The following HCN2 variants were observed in gnomAD, a reference collection of about 807,000 sequenced individuals.
The protein encoded by HCN2 is potassium/sodium hyperpolarization-activated cyclic nucleotide-gated channel 2.
A neutral mutation model predicts 52.3 loss-of-function variants in HCN2; 20 were observed. The observed-to-expected ratio is 0.38, with a 90% CI of 0.27 to 0.56. The LOEUF (loss-of-function observed/expected upper bound fraction) is 0.56, where lower values mean the gene tolerates loss of function less well. Ranked by LOEUF, HCN2 falls within the 20% of genes least tolerant of loss-of-function variation. The pLI is 0.71. For missense variants in HCN2, 981 were observed against 1,207.7 expected (o/e 0.81, Z 2.78); for synonymous variants, 694 against 537.0 (o/e 1.29, Z -4.04).
rs1277747372 is a variant in HCN2, at chr19:592,080, C to T, written c.632+1503C>T. Among the ~76,000 whole-genome samples, 2 of 152,222 alleles carry T rather than the reference C, an allele frequency of 1.3e-5. No individual in the cohort carries two copies. Among genetic ancestry groups the T allele is most frequent in the African/African-American group, 4.8e-5 (2 of 41,454 alleles). ...GGAGAGCTTGGTCAGCATCTGGGCTCTGGCCTGCGAAATGTGGACAGTGAG... is the reference window on the plus strand; with the variant it reads ...GGAGAGCTTGGTCAGCATCTGGGCTTTGGCCTGCGAAATGTGGACAGTGAG... On this transcript the variant is annotated intron_variant, in intron 1 of 7. Transcript: ENST00000251287. The surrounding 1 kb of genome is among the most constrained non-coding windows in gnomAD (Gnocchi z 4.8).
At chr19:607,809 A>G (rs967909645) in intron 3 of HCN2, among the ~76,000 whole-genome samples, 155 bp from the exon 4 acceptor site, 1 of 152,222 alleles carries the variant, frequency 6.6e-6, no homozygotes, top group Non-Finnish European at 1.5e-5. Flanking sequence ...AAACCATGTC[A>G]TCTACCTGGG....
At chr19:615,246 A>T (rs1401808536) in intron 7 of HCN2, among the ~76,000 whole-genome samples, 1 of 123,958 alleles carries the variant, frequency 8.1e-6, no homozygotes, top group Non-Finnish European at 1.9e-5. Context: ...GCGGTGGCTC[A>T]CGCCTGTAGT....
At chr19:594,253 G>C (rs1310376218) in intron 1 of HCN2, among the ~76,000 whole-genome samples, 1 of 152,174 alleles carries the variant, frequency 6.6e-6, no homozygotes, top group Non-Finnish European at 1.5e-5. Context: ...ACCTGGCGGG[G>C]TGGAGACCTG....
In HCN2 at chr19:590,766, G is replaced by T. The variant is rs1982846493; in HGVS notation, c.632+189G>T. On this transcript the variant is annotated intron_variant, in intron 1 of 7. Coordinates refer to ENST00000251287, the MANE Select transcript of HCN2 (RefSeq NM_001194.4). The surrounding 1 kb of genome is among the most constrained non-coding windows in gnomAD (Gnocchi z 7.2). ...CCCGGCGCGCGAGGCTCCGCCTCTG[G>T]GGGGGCTCCCCGGGTGACCGCGGAG... is the stretch of plus-strand genomic sequence containing the variant. 1 of 339,300 alleles carries T rather than the reference G, an allele frequency of 2.9e-6. No individual in the cohort carries two copies. Among genetic ancestry groups the T allele is most frequent in the Non-Finnish European group, 5.1e-6 (1 of 194,250 alleles). The allele number at this position is 339,300 out of a possible 1,614,324, so 21.0% of individuals were successfully genotyped here. A position where few individuals can be genotyped will look rare whatever the true frequency, so the allele number is the denominator to read the frequency against.
intron 4 of HCN2, among the ~76,000 whole-genome samples, chr19:608,909 A>G (rs1983513796): frequency 6.6e-6 from 1 of 152,074 alleles, no homozygotes; most frequent in Non-Finnish European, 1.5e-5. Context: ...TAGGCTTGGC[A>G]GTGGAGGGGA....
rs79651086 is a variant in HCN2, at chr19:595,409, C to G, written c.632+4832C>G. On this transcript the variant is annotated intron_variant, in intron 1 of 7. Coordinates refer to ENST00000251287, the MANE Select transcript of HCN2 (RefSeq NM_001194.4). Reference sequence around the variant, plus strand: ...TGGGCCTCTCCAGACATCGGTCCTTCTTTCCCTGTCACCTCTACCTCCTCC... The same window carrying G: ...TGGGCCTCTCCAGACATCGGTCCTTGTTTCCCTGTCACCTCTACCTCCTCC... Among the ~76,000 whole-genome samples, 1,203 of 152,192 alleles carry G rather than the reference C, an allele frequency of 7.9e-3. 16 individuals are homozygous for G. Among genetic ancestry groups the G allele is most frequent in the African/African-American group, 0.028 (1,142 of 41,502 alleles).
Position 590,620 on chromosome 19 carries a change from G to A in HCN2, c.632+43G>A. ...GCCGGTCGGCGCGAGGGGGCCCGGG[G>A]AGCCGGGCGCGCGGGGAGCCGTCCT... On this transcript the variant is annotated intron_variant, in intron 1 of 7. Transcript: ENST00000251287. The surrounding 1 kb of genome is among the most constrained non-coding windows in gnomAD (Gnocchi z 7.2). 6.9e-6 allele frequency: 9 copies of A among 1,296,922 alleles called. No individual in the cohort carries two copies. The highest frequency in any genetic ancestry group is 2.3e-5 in the South Asian group (1 of 42,898). The allele number at this position is 1,296,922 out of a possible 1,614,324, so 80.3% of individuals were successfully genotyped here.
Position 616,167 on chromosome 19 carries a change from G to T in HCN2, c.2363G>T (p.Arg788Leu). The T allele has an allele frequency of 1.4e-6, 1 of 695,248 alleles. No homozygotes were observed. The highest frequency in any genetic ancestry group is 1.6e-6 in the Non-Finnish European group (1 of 609,874). The allele number at this position is 695,248 out of a possible 1,614,324, so 43.1% of individuals were successfully genotyped here. Residue 788 changes from arginine to leucine, a missense_variant, in exon 8 of 8, where the codon CGG becomes CTG. Around this residue, in one of 6 missense-constraint regions of HCN2, gnomAD observed 368 missense variants for 314.8 expected, o/e 1.17. Coordinates refer to ENST00000251287, the MANE Select transcript of HCN2 (RefSeq NM_001194.4). ...ASPPGAPASP[R>L]APRTSPYGGL... ...CCCCCGGGCGCGCCCGCCAGCCCCC[G>T]GGCACCGCGGACCTCGCCCTACGGC...
At chr19:610,523 A>G (rs1348648041) in intron 5 of HCN2, 118 bp downstream of exon 5, 2 of 887,474 alleles carry the variant, frequency 2.3e-6, no homozygotes, top group South Asian at 1.5e-5. Flanking sequence ...AGCAGGAGGG[A>G]CTCGAGCTAG....
At chr19:604,614 G>A (rs1429770698) in intron 2 of HCN2, among the ~76,000 whole-genome samples, 2 of 141,532 alleles carry the variant, frequency 1.4e-5, no homozygotes, top group Non-Finnish European at 3.1e-5. Flanking sequence ...GAGATATGAG[G>A]GTTGTGCTGG....
chr19:591,919 C>A lies in HCN2; in HGVS notation c.632+1342C>A, dbSNP rs922781793. ...GGAAGGCCCTGGAATCCTCCTCCCACCCCAGGCCTTCCTGAGAGGTGAATA... is the reference window on the plus strand; with the variant it reads ...GGAAGGCCCTGGAATCCTCCTCCCAACCCAGGCCTTCCTGAGAGGTGAATA... On this transcript the variant is annotated intron_variant, in intron 1 of 7. Coordinates refer to ENST00000251287, the MANE Select transcript of HCN2 (RefSeq NM_001194.4). This position sits in a 1 kb window ranked among gnomAD's most constrained non-coding sequence, Gnocchi z 4.1. 6.6e-6 allele frequency among the ~76,000 whole-genome samples: 1 copy of A among 152,174 alleles called. No homozygotes were observed. Among genetic ancestry groups the A allele is most frequent in the Admixed American group, 6.5e-5 (1 of 15,286 alleles).
intron 2 of HCN2, among the ~76,000 whole-genome samples, chr19:604,697 G>A (rs867411995): frequency 9.0e-6 from 1 of 110,722 alleles, no homozygotes; most frequent in East Asian, 2.4e-4. Context: ...GCGGGGCAAT[G>A]CGGGTTTTGC....
intron 3 of HCN2, among the ~76,000 whole-genome samples, chr19:606,227 AGTAGCTGGGACTACAG>A (rs1437411843): frequency 3.3e-5 from 5 of 152,042 alleles, no homozygotes; most frequent in African/African-American, 1.2e-4. Flanking sequence ...CAGCCTCCCG[AGTAGCTGGGACTACAG>A]GCGCCCGCCA....
At chr19:598,801 G>A (rs1295880975) in intron 1 of HCN2, among the ~76,000 whole-genome samples, 1 of 143,928 alleles carries the variant, frequency 6.9e-6, no homozygotes, top group Non-Finnish European at 1.5e-5. Flanking sequence ...GTAGAGACGG[G>A]GTTTCACCGT....
intron 3 of HCN2, 59 bp from the exon 4 acceptor site, chr19:607,905 C>A: frequency 3.6e-6 from 5 of 1,376,332 alleles, no homozygotes; most frequent in Non-Finnish European, 5.1e-6. Flanking sequence ...CCCTTGAGGA[C>A]CGAGGGCTCC....
intron 5 of HCN2, among the ~76,000 whole-genome samples, chr19:610,976 C>T (rs1024737959): frequency 6.6e-6 from 1 of 152,004 alleles, no homozygotes; most frequent in Non-Finnish European, 1.5e-5. Flanking sequence ...GCTCCAGGCG[C>T]CCTTGGCTTG....
chr19:603,679 C>T lies in HCN2; in HGVS notation c.768C>T (p.Leu256=). The part of the protein sequence containing the change: ...VFNVVSDTFF[L]MDLVLNFRTG... ...ACGTGGTCTCGGACACCTTCTTCCT[C>T]ATGGACCTGGTGTTGAACTTCCGCA... The change falls in exon 2 of 8, where the codon CTC becomes CTT. Residue 256 remains leucine (L), a synonymous_variant. Coordinates refer to ENST00000251287, the MANE Select transcript of HCN2 (RefSeq NM_001194.4). 2 of 1,612,828 alleles carry T rather than the reference C, an allele frequency of 1.2e-6. No homozygotes were observed. Among genetic ancestry groups the T allele is most frequent in the Non-Finnish European group, 1.7e-6 (2 of 1,179,750 alleles).
intron 1 of HCN2, among the ~76,000 whole-genome samples, chr19:602,126 C>T (rs1983222934): frequency 7.4e-6 from 1 of 134,818 alleles, no homozygotes; most frequent in Admixed American, 7.2e-5. Flanking sequence ...GGACGCCCCA[C>T]TCCCTCCTCT....
At position 613,380 on chromosome 19, in the gene HCN2, C is replaced by G; in HGVS notation, c.1717C>G (p.Arg573Gly). 1 of 1,612,894 alleles carries G rather than the reference C, an allele frequency of 6.2e-7. No homozygotes were observed. Among genetic ancestry groups the G allele is most frequent in the Non-Finnish European group, 8.5e-7 (1 of 1,179,864 alleles). ...EVFQPGDYIIREGTIGKKMYF... is the reference protein window; with the variant it reads ...EVFQPGDYIIGEGTIGKKMYF... ...CTTCCAGCCGGGTGACTACATCATC[C>G]GCGAAGGCACCATCGGGAAGAAGAT... The change falls in exon 6 of 8, where the codon CGC (arginine) becomes GGC (glycine). Residue 573 changes from arginine to glycine, a missense_variant. Transcript: ENST00000251287.
Sources: gnomAD v4.1 joint callset for allele counts (sites outside exome capture counted in the v4.1 genomes callset) on GRCh38, gnomAD v4.1.1 for gene constraint, gnomAD v4.1.1 regional missense constraint, Gnocchi (gnomAD v3.1) non-coding constraint, MANE v1.5 for transcripts, NCBI Gene and HGNC (gene_info 2026-07-23, HGNC 2026-07-21) for gene names.